TSPAN33: variants seen among roughly 807,000 people sequenced by gnomAD.
TSPAN33 encodes tetraspanin-33.
In TSPAN33, 27 loss-of-function variants were observed where a neutral mutation model predicts 34.8. The observed-to-expected ratio is 0.78, with a 90% CI of 0.57 to 1.07. The LOEUF (loss-of-function observed/expected upper bound fraction) is 1.07. TSPAN33 is among the 50% of genes least tolerant of loss of function. TSPAN33 has a pLI of 0.00. For synonymous variants in TSPAN33, 119 were observed against 124.2 expected, an observed-to-expected ratio of 0.96 and a Z score of 0.28; for missense variants, 272 against 324.9, an observed-to-expected ratio of 0.84 and a Z score of 1.25.
chr7:129,164,352 C>T (rs71583815), intron 4 of TSPAN33, 122 bp from the exon 5 acceptor site: 150,536 of 852,870 alleles, frequency 0.18, 13,822 homozygotes, highest in Admixed American at 0.24. Context: ...CATTAGGACT[C>T]GGTTCTGATT....
In TSPAN33 at chr7:129,146,695, G is replaced by A. The variant is rs1342496807; in HGVS notation, c.102+1613G>A. ...TCCCTTACCACTCTACCAGTGCTGG[G>A]GGATGTACTAAGAGACTCCCCACTT... On this transcript the variant is annotated intron_variant, in intron 1 of 7. Transcript: ENST00000486685. Among the ~76,000 whole-genome samples, 5 of 152,306 alleles carry A rather than the reference G, an allele frequency of 3.3e-5. No homozygotes were observed. The East Asian group carries it at 7.7e-4, about 23-fold the overall frequency.
In TSPAN33 at chr7:129,161,719, G is replaced by A. The variant is rs771858349; in HGVS notation, c.143G>A (p.Arg48Gln). Reference protein sequence around the residue: ...MVMVAVGVYARLMKHAEAALA... With the variant: ...MVMVAVGVYAQLMKHAEAALA... ...ATGGTGGCTGTGGGTGTCTACGCTC[G>A]GCTAATGAAGCATGCAGGTGAGCTG... Residue 48 changes from arginine to glutamine, a missense_variant, in exon 2 of 8, where the codon CGG (arginine) becomes CAG (glutamine). Arg to Gln is a conservative substitution (Grantham distance 43). Coordinates refer to ENST00000486685, the MANE Select transcript of TSPAN33 (RefSeq NM_178562.5). 5.6e-6 allele frequency: 9 copies of A among 1,614,120 alleles called. No individual in the cohort carries two copies. Among genetic ancestry groups the A allele is most frequent in the South Asian group, 4.4e-5 (4 of 91,076 alleles).
rs1339378561 is a variant in TSPAN33, at chr7:129,148,493, G to A, written c.102+3411G>A. ...ACTGAATGTTTATTGGATGGTGAGTGAGAGAGCAAACCCCACAGGGTAGAG... is the reference window on the plus strand; with the variant it reads ...ACTGAATGTTTATTGGATGGTGAGTAAGAGAGCAAACCCCACAGGGTAGAG... On this transcript the variant is annotated intron_variant, in intron 1 of 7. Transcript: ENST00000486685. This position sits in a 1 kb window ranked among gnomAD's most constrained non-coding sequence, Gnocchi z 4.2. Among the ~76,000 whole-genome samples the A allele has an allele frequency of 6.6e-6, 1 of 152,206 alleles. No homozygotes were observed. Among genetic ancestry groups the A allele is most frequent in the Non-Finnish European group, 1.5e-5 (1 of 68,044 alleles).
chr7:129,164,317 T>C (rs1793103019), intron 4 of TSPAN33, among the ~76,000 whole-genome samples, 157 bp from the exon 5 acceptor site: 1 of 152,158 alleles, frequency 6.6e-6, no homozygotes, highest in African/African-American at 2.4e-5. Context: ...GGATGGGCTT[T>C]GGAACTGAAC....
At position 129,165,327 on chromosome 7, in the gene TSPAN33, TCTC is replaced by T. The variant is rs1793122015; in HGVS notation, c.459+763_459+765del. Reference sequence around the variant, plus strand: ...ATTGAACACTAAAGCCCCATTTTCCTCTCCTCCAGCAACCACCATTCTACTTTC... The same window carrying T: ...ATTGAACACTAAAGCCCCATTTTCCTCTCCAGCAACCACCATTCTACTTTC... On this transcript the variant is annotated intron_variant, in intron 5 of 7. Transcript: ENST00000486685. The surrounding 1 kb of genome is among the most constrained non-coding windows in gnomAD (Gnocchi z 4.5). Among the ~76,000 whole-genome samples, 1 of 152,214 alleles carries T rather than the reference TCTC, an allele frequency of 6.6e-6. No homozygotes were observed. The highest frequency in any genetic ancestry group is 1.5e-5 in the Non-Finnish European group (1 of 68,030).
At chr7:129,162,592 C>T in intron 3 of TSPAN33, 71 bp downstream of exon 3, 1 of 1,590,994 alleles carries the variant, frequency 6.3e-7, no homozygotes, top group Non-Finnish European at 8.5e-7. Context: ...TCCCACGGCC[C>T]TTTGGTTGCC....
In TSPAN33 at chr7:129,164,460, C is replaced by T. The variant is rs767032548; in HGVS notation, c.364-14C>T. 6.8e-5 allele frequency: 110 copies of T among 1,612,598 alleles called. No individual in the cohort carries two copies. Among genetic ancestry groups the T allele is most frequent in the Non-Finnish European group, 9.2e-5 (109 of 1,178,992 alleles). On this transcript the variant is annotated splice_polypyrimidine_tract_variant and intron_variant, in intron 4 of 7. Transcript: ENST00000486685. Reference sequence around the variant, plus strand: ...TAGTCCTGTGTTCTGATTCCTTGCCCATGTCTCCGGCAGGCTCGAGGGAAA... The same window carrying T: ...TAGTCCTGTGTTCTGATTCCTTGCCTATGTCTCCGGCAGGCTCGAGGGAAA...
At chr7:129,155,351 A>G (rs1240616291) in intron 1 of TSPAN33, among the ~76,000 whole-genome samples, 1 of 152,334 alleles carries the variant, frequency 6.6e-6, no homozygotes, top group African/African-American at 2.4e-5. Context: ...TAGGGTGACT[A>G]TAGTTAACAA....
At chr7:129,162,239 A>T (rs1208674112) in intron 2 of TSPAN33, among the ~76,000 whole-genome samples, 155 bp from the exon 3 acceptor site, 1 of 152,184 alleles carries the variant, frequency 6.6e-6, no homozygotes, top group Admixed American at 6.5e-5. Flanking sequence ...GGTTCTCCCC[A>T]TGGGACAGGG....
At chr7:129,145,657 C>G (rs1810510953) in intron 1 of TSPAN33, among the ~76,000 whole-genome samples, 2 of 151,772 alleles carry the variant, frequency 1.3e-5, no homozygotes, top group Non-Finnish European at 2.9e-5. Context: ...TGCCACCCTT[C>G]TCAGGACCAG....
chr7:129,144,952 C>G lies in TSPAN33; in HGVS notation c.-29C>G. On this transcript the variant is annotated 5_prime_UTR_variant, in exon 1 of 8. Coordinates refer to ENST00000486685, the MANE Select transcript of TSPAN33 (RefSeq NM_178562.5). ...CGGCCGGCAGCCGCTGGGAAATAGG[C>G]CCCCGGGGGCGGTGGCGGCGGCGGG... 1 of 567,030 alleles carries G rather than the reference C, an allele frequency of 1.8e-6. No homozygotes were observed. The highest frequency in any genetic ancestry group is 3.2e-6 in the Non-Finnish European group (1 of 316,554). 35.1% of individuals were successfully genotyped at this position (567,030 alleles called of 1,614,324 possible). A position where few individuals can be genotyped will look rare whatever the true frequency, so the allele number is the denominator to read the frequency against.
rs181445822 is a variant in TSPAN33, at chr7:129,148,065, C to T, written c.102+2983C>T. On this transcript the variant is annotated intron_variant, in intron 1 of 7. Coordinates refer to ENST00000486685, the MANE Select transcript of TSPAN33 (RefSeq NM_178562.5). This position sits in a 1 kb window ranked among gnomAD's most constrained non-coding sequence, Gnocchi z 4.2. ...GTTAGGGTGGCTACAGAGCAGCTGC[C>T]TCTCCTCACCTCCCTCTGCAGGACA... Among the ~76,000 whole-genome samples the T allele has an allele frequency of 6.6e-6, 1 of 152,276 alleles. No homozygotes were observed. Among genetic ancestry groups the T allele is most frequent in the African/African-American group, 2.4e-5 (1 of 41,544 alleles).
rs1350359414 is a variant in TSPAN33, at chr7:129,167,386, A to G, written c.589-13A>G. 1 of 1,602,610 alleles carries G rather than the reference A, an allele frequency of 6.2e-7. No individual in the cohort carries two copies. The highest frequency in any genetic ancestry group is 8.5e-7 in the Non-Finnish European group (1 of 1,171,320). On this transcript the variant is annotated splice_polypyrimidine_tract_variant and intron_variant, in intron 6 of 7. Transcript: ENST00000486685. The surrounding 1 kb of genome is among the most constrained non-coding windows in gnomAD (Gnocchi z 4.6). ...AATTACAGTCCCAATTGGCTTTTCA[A>G]CTCTTTCCCCAGGCAGTGATCAACA...
At position 129,168,430 on chromosome 7, in the gene TSPAN33, G is replaced by A. The variant is rs989444065; in HGVS notation, c.*556G>A. On this transcript the variant is annotated 3_prime_UTR_variant, in exon 8 of 8. Coordinates refer to ENST00000486685, the MANE Select transcript of TSPAN33 (RefSeq NM_178562.5). ...GCTAGGTAGGAGTGGAGGGAGATAT[G>A]TTTACCAAATGCCTGTCCTGCCATC... The A allele has an allele frequency of 3.9e-5, 6 of 153,414 alleles. No individual in the cohort carries two copies. The highest frequency in any genetic ancestry group is 9.7e-5 in the African/African-American group (4 of 41,432). 9.5% of individuals were successfully genotyped at this position (153,414 alleles called of 1,614,324 possible).
chr7:129,162,581 C>A lies in TSPAN33; in HGVS notation c.288+60C>A, dbSNP rs1018974577. On this transcript the variant is annotated intron_variant, in intron 3 of 7. Transcript: ENST00000486685. ...CCCTCTCCCCATCATGCCTCTTAGCCTCCCACGGCCCTTTGGTTGCCTTGT... is the reference window on the plus strand; with the variant it reads ...CCCTCTCCCCATCATGCCTCTTAGCATCCCACGGCCCTTTGGTTGCCTTGT... 5 of 1,598,984 alleles carry A rather than the reference C, an allele frequency of 3.1e-6. No homozygotes were observed. The African/African-American group carries it at 5.3e-5, about 17-fold the overall frequency.
chr7:129,163,415 C>T (rs780312475), intron 4 of TSPAN33, among the ~76,000 whole-genome samples: 15 of 149,116 alleles, frequency 1.0e-4, no homozygotes, highest in Non-Finnish European at 2.1e-4. Flanking sequence ...CCTTGAACTC[C>T]TGGGCTCAAG....
At chr7:129,160,234 G>C (rs1013574534) in intron 1 of TSPAN33, among the ~76,000 whole-genome samples, 1 of 152,164 alleles carries the variant, frequency 6.6e-6, no homozygotes, top group South Asian at 2.1e-4. Context: ...TGTTCTGGGG[G>C]CCTAGCTCCC....
At chr7:129,164,869 G>A (rs922741997) in intron 5 of TSPAN33, 14 of 284,082 alleles carry the variant, frequency 4.9e-5, no homozygotes, top group Non-Finnish European at 6.8e-5. Context: ...AAGGGAGTGA[G>A]TTATCTCATT....
intron 1 of TSPAN33, among the ~76,000 whole-genome samples, chr7:129,158,054 A>G (rs1259938383): frequency 1.3e-5 from 2 of 152,208 alleles, no homozygotes; most frequent in Non-Finnish European, 2.9e-5. Flanking sequence ...TGCCTGCTCC[A>G]GCTGTTAGAG....
Sources: gnomAD v4.1 joint callset for allele counts (sites outside exome capture counted in the v4.1 genomes callset) on GRCh38, gnomAD v4.1.1 for gene constraint, Gnocchi (gnomAD v3.1) non-coding constraint, MANE v1.5 for transcripts, NCBI Gene and HGNC (gene_info 2026-07-23, HGNC 2026-07-21) for gene names.